KCNJ8: variants seen among roughly 807,000 people sequenced by gnomAD.
KCNJ8 encodes potassium inwardly rectifying channel subfamily J member 8.
In KCNJ8, 13 loss-of-function variants were observed where a neutral mutation model predicts 28.2. The ratio of observed to expected loss-of-function variants is 0.46; its 90% CI spans 0.30 to 0.73. The LOEUF is 0.73. Among genes scored for constraint, KCNJ8 ranks in the 30% least tolerant of loss-of-function variants. The pLI, the probability that KCNJ8 is intolerant of heterozygous loss-of-function variation, is 0.07. For synonymous variants in KCNJ8, 188 were observed against 195.9 expected, an observed-to-expected ratio of 0.96 and a Z score of 0.34; for missense variants, 284 against 542.6, an observed-to-expected ratio of 0.52 and a Z score of 4.73.
intron 2 of KCNJ8, among the ~76,000 whole-genome samples, chr12:21,771,380 C>G (rs1940751624): frequency 6.6e-6 from 1 of 152,080 alleles, no homozygotes; most frequent in African/African-American, 2.4e-5. Context: ...TTTCTTTGTT[C>G]TGTTACAGAA....
rs1019168759 is a variant in KCNJ8, at chr12:21,766,257, G to A, written c.741C>T (p.Asp247=). The A allele has an allele frequency of 9.3e-6, 15 of 1,614,080 alleles. No individual in the cohort carries two copies. Among genetic ancestry groups the A allele is most frequent in the Non-Finnish European group, 1.0e-5 (12 of 1,179,994 alleles). ...TCTCGATTGGGTTATCAACAGGAAT[G>A]TCCAGTTGGTGAATAGGAACCACCT... ...EGEVVPIHQL[D]IPVDNPIESN... Residue 247 remains aspartate (D), a synonymous_variant, in exon 3 of 3, where the codon GAC becomes GAT. Transcript: ENST00000240662. This position sits in a 1 kb window ranked among gnomAD's most constrained non-coding sequence, Gnocchi z 6.5.
chr12:21,767,182 C>T (rs946132633), intron 2 of KCNJ8, among the ~76,000 whole-genome samples: 2 of 151,840 alleles, frequency 1.3e-5, no homozygotes, highest in Non-Finnish European at 2.9e-5. Context: ...TAGCACAGTG[C>T]TAAAAAAACT....
chr12:21,765,924 C>T lies in KCNJ8; in HGVS notation c.1074G>A (p.Leu358=), dbSNP rs374507305. The change falls in exon 3 of 3, where the codon CTG becomes CTA. Residue 358 remains leucine, a synonymous_variant. Transcript: ENST00000240662. ...GAATAAGGATGGAAGGTTTCTCATC[C>T]AGCTCTCGGGCACTGCACCGTGGAG... The part of the protein sequence containing the change: ...VAAPRCSARE[L]DEKPSILIQT... The T allele has an allele frequency of 9.9e-6, 16 of 1,614,052 alleles. No homozygotes were observed. Among genetic ancestry groups the T allele is most frequent in the South Asian group, 2.2e-5 (2 of 91,074 alleles).
At chr12:21,768,071 C>T (rs1303855340) in intron 2 of KCNJ8, among the ~76,000 whole-genome samples, 5 of 152,054 alleles carry the variant, frequency 3.3e-5, no homozygotes, top group African/African-American at 9.7e-5. Flanking sequence ...GAAATGGTTT[C>T]GAGATGAAAC....
In KCNJ8 at chr12:21,774,134, G is replaced by T. The variant is rs374515346; in HGVS notation, c.-71+412C>A. On this transcript the variant is annotated intron_variant, in intron 1 of 2. Coordinates refer to ENST00000240662, the MANE Select transcript of KCNJ8 (RefSeq NM_004982.4). Reference sequence around the variant, plus strand: ...AGTAAAGAGAGAAAATTCTTCCTCCGTTATTTTTAGAAGTAAGCAAAGGCC... The same window carrying T: ...AGTAAAGAGAGAAAATTCTTCCTCCTTTATTTTTAGAAGTAAGCAAAGGCC... Among the ~76,000 whole-genome samples, 181 of 152,204 alleles carry T rather than the reference G, an allele frequency of 1.2e-3. 4 individuals are homozygous for T. The South Asian group carries it at 0.037, about 31-fold the overall frequency.
Position 21,766,569 on chromosome 12 carries a change from A to G in KCNJ8, c.429T>C (p.Phe143=). The part of the protein sequence containing the change: ...FSIEVQVTIG[F]GGRMMTEECP... The stretch of plus-strand genomic sequence containing the variant: ...ATTCCTCTGTCATCATCCTCCCTCC[A>G]AACCCAATGGTAACTTGAACTTCAA... Residue 143 remains phenylalanine (F), a synonymous_variant, in exon 3 of 3, where the codon TTT becomes TTC. Coordinates refer to ENST00000240662, the MANE Select transcript of KCNJ8 (RefSeq NM_004982.4). This position sits in a 1 kb window ranked among gnomAD's most constrained non-coding sequence, Gnocchi z 6.5. 4 of 1,606,010 alleles carry G rather than the reference A, an allele frequency of 2.5e-6. No individual in the cohort carries two copies. The highest frequency in any genetic ancestry group is 1.7e-6 in the Non-Finnish European group (2 of 1,179,826).
In KCNJ8 at chr12:21,765,519, T is replaced by C; in HGVS notation, c.*204A>G. The stretch of plus-strand genomic sequence containing the variant: ...TATATCACTGCGAATTCTACATGTA[T>C]GAAACAAGCATAAGCCATGAATCCT... On this transcript the variant is annotated 3_prime_UTR_variant, in exon 3 of 3. Transcript: ENST00000240662. The C allele has an allele frequency of 1.6e-6, 1 of 612,814 alleles. No individual in the cohort carries two copies. Among genetic ancestry groups the C allele is most frequent in the East Asian group, 2.8e-5 (1 of 35,716 alleles). The allele number at this position is 612,814 out of a possible 1,614,324, so 38.0% of individuals were successfully genotyped here.
At position 21,773,374 on chromosome 12, in the gene KCNJ8, G is replaced by A. The variant is rs771727850; in HGVS notation, c.243C>T (p.Leu81=). The A allele has an allele frequency of 3.7e-6, 6 of 1,614,268 alleles. No individual in the cohort carries two copies. In the South Asian group the frequency reaches 6.6e-5, roughly 18 times the overall value. ...TGATAGCGAAGAGCAGCCAGCTGCA[G>A]AGGAAGGACATGGTAAAGATGACCA... ...HTLVIFTMSF[L]CSWLLFAIMW... The change falls in exon 2 of 3, where the codon CTC becomes CTT. Residue 81 remains leucine (L), a synonymous_variant. Coordinates refer to ENST00000240662, the MANE Select transcript of KCNJ8 (RefSeq NM_004982.4). The surrounding 1 kb of genome is among the most constrained non-coding windows in gnomAD (Gnocchi z 4.6).
Position 21,766,750 on chromosome 12 carries a change from T to A in KCNJ8, c.375-127A>T. 1.3e-6 allele frequency: 1 copy of A among 792,716 alleles called. No homozygotes were observed. Among genetic ancestry groups the A allele is most frequent in the Non-Finnish European group, 2.1e-6 (1 of 473,126 alleles). The allele number at this position is 792,716 out of a possible 1,614,324, so 49.1% of individuals were successfully genotyped here. A position where few individuals can be genotyped will look rare whatever the true frequency, so the allele number is the denominator to read the frequency against. On this transcript the variant is annotated intron_variant, in intron 2 of 2. Coordinates refer to ENST00000240662, the MANE Select transcript of KCNJ8 (RefSeq NM_004982.4). This position sits in a 1 kb window ranked among gnomAD's most constrained non-coding sequence, Gnocchi z 6.5. ...ATGCTTGCAGAAAGACTAGCCAACT[T>A]AAACTTGTAAAATGCCTAATTCTAA...
chr12:21,773,675 A>C lies in KCNJ8; in HGVS notation c.-59T>G. The C allele has an allele frequency of 6.2e-7, 1 of 1,603,374 alleles. No homozygotes were observed. The highest frequency in any genetic ancestry group is 8.5e-7 in the Non-Finnish European group (1 of 1,178,766). On this transcript the variant is annotated 5_prime_UTR_variant, in exon 2 of 3. Transcript: ENST00000240662. The surrounding 1 kb of genome is among the most constrained non-coding windows in gnomAD (Gnocchi z 4.6). ...CTCTCACCTGCCTCTCCGTCCCTGGACACCCGTCCTCCTGCACGAGGGAAA... is the reference window on the plus strand; with the variant it reads ...CTCTCACCTGCCTCTCCGTCCCTGGCCACCCGTCCTCCTGCACGAGGGAAA...
In KCNJ8 at chr12:21,766,970, A is replaced by G. The variant is rs1940640302; in HGVS notation, c.375-347T>C. 6.6e-6 allele frequency among the ~76,000 whole-genome samples: 1 copy of G among 152,162 alleles called. No homozygotes were observed. ...ATATTTTCATATATATGCATATTTT[A>G]CCTTGCGAAATACTTCACTTTCACA... On this transcript the variant is annotated intron_variant, in intron 2 of 2. Transcript: ENST00000240662. The surrounding 1 kb of genome is among the most constrained non-coding windows in gnomAD (Gnocchi z 6.5).
chr12:21,772,554 A>T (rs1169192755), intron 2 of KCNJ8, among the ~76,000 whole-genome samples: 1 of 152,222 alleles, frequency 6.6e-6, no homozygotes, highest in African/African-American at 2.4e-5. Context: ...AAACTTTGAA[A>T]GAAGAGTACA....
chr12:21,773,699 A>C lies in KCNJ8; in HGVS notation c.-70-13T>G. On this transcript the variant is annotated splice_polypyrimidine_tract_variant and intron_variant, in intron 1 of 2. Transcript: ENST00000240662. The surrounding 1 kb of genome is among the most constrained non-coding windows in gnomAD (Gnocchi z 4.6). ...GACACCCGTCCTCCTGCACGAGGGA[A>C]ACATTTATTAAAAACTTAAAAACCC... 1 of 1,588,740 alleles carries C rather than the reference A, an allele frequency of 6.3e-7. No homozygotes were observed. Among genetic ancestry groups the C allele is most frequent in the Non-Finnish European group, 8.5e-7 (1 of 1,170,206 alleles).
chr12:21,766,711 C>T lies in KCNJ8; in HGVS notation c.375-88G>A. ...AAGCTGAGCTTTTCATTTTCTTCCA[C>T]CAAAGACTATTAAATGCTTGCAGAA... On this transcript the variant is annotated intron_variant, in intron 2 of 2. Coordinates refer to ENST00000240662, the MANE Select transcript of KCNJ8 (RefSeq NM_004982.4). This position sits in a 1 kb window ranked among gnomAD's most constrained non-coding sequence, Gnocchi z 6.5. 1 of 1,103,680 alleles carries T rather than the reference C, an allele frequency of 9.1e-7. No homozygotes were observed. The highest frequency in any genetic ancestry group is 1.3e-5 in the South Asian group (1 of 75,456). The allele number at this position is 1,103,680 out of a possible 1,614,324, so 68.4% of individuals were successfully genotyped here. A position where few individuals can be genotyped will look rare whatever the true frequency, so the allele number is the denominator to read the frequency against.
chr12:21,769,162 A>C (rs893212383), intron 2 of KCNJ8, among the ~76,000 whole-genome samples: 2 of 152,232 alleles, frequency 1.3e-5, no homozygotes, highest in African/African-American at 4.8e-5. Context: ...TTAGGAACTA[A>C]TGCAGCTGGT....
At chr12:21,769,353 GA>G (rs34764592) in intron 2 of KCNJ8, among the ~76,000 whole-genome samples, 3,897 of 152,196 alleles carry the variant, frequency 0.026, 164 homozygotes, top group African/African-American at 0.089. Flanking sequence ...TTACTGCTCA[GA>G]AAAAAAGATT....
intron 2 of KCNJ8, among the ~76,000 whole-genome samples, chr12:21,768,687 A>C (rs970795466): frequency 6.6e-6 from 1 of 152,262 alleles, no homozygotes; most frequent in African/African-American, 2.4e-5. Context: ...GTGCTACTCC[A>C]GTGAAGACAC....
intron 2 of KCNJ8, among the ~76,000 whole-genome samples, chr12:21,768,774 T>A (rs190034992): frequency 6.6e-6 from 1 of 152,296 alleles, no homozygotes; most frequent in Non-Finnish European, 1.5e-5. Flanking sequence ...ACCAACTAGG[T>A]CACAACATTC....
Position 21,773,691 on chromosome 12 carries a change from A to G in KCNJ8, c.-70-5T>C, listed in dbSNP as rs754974226. On this transcript the variant is annotated splice_region_variant and splice_polypyrimidine_tract_variant and intron_variant, in intron 1 of 2. Transcript: ENST00000240662. This position sits in a 1 kb window ranked among gnomAD's most constrained non-coding sequence, Gnocchi z 4.6. The stretch of plus-strand genomic sequence containing the variant: ...CGTCCCTGGACACCCGTCCTCCTGC[A>G]CGAGGGAAACATTTATTAAAAACTT... 5.6e-6 allele frequency: 9 copies of G among 1,593,036 alleles called. No homozygotes were observed. Among genetic ancestry groups the G allele is most frequent in the Non-Finnish European group, 7.7e-6 (9 of 1,172,414 alleles).
Sources: gnomAD v4.1 joint callset for allele counts (sites outside exome capture counted in the v4.1 genomes callset) on GRCh38, gnomAD v4.1.1 for gene constraint, Gnocchi (gnomAD v3.1) non-coding constraint, MANE v1.5 for transcripts, NCBI Gene and HGNC (gene_info 2026-07-23, HGNC 2026-07-21) for gene names.